RAD18: variants seen among roughly 807,000 people sequenced by gnomAD.
The protein encoded by RAD18 is RAD18 E3 ubiquitin protein ligase, also known as E3 ubiquitin-protein ligase RAD18.
RAD18 carries 47 observed loss-of-function variants against 60.4 expected under a neutral mutation model. The ratio of observed to expected loss-of-function variants is 0.78; its 90% confidence interval spans 0.62 to 0.99. The LOEUF (loss-of-function observed/expected upper bound fraction) is 0.99, where lower values mean the gene tolerates loss of function less well. Among genes scored for constraint, RAD18 ranks in the 50% least tolerant of loss-of-function variants. The pLI is 0.00. For missense variants in RAD18, 640 were observed against 593.3 expected (o/e 1.08, Z -0.82); for synonymous variants, 225 against 195.5 (o/e 1.15, Z -1.26).
intron 1 of RAD18, among the ~76,000 whole-genome samples, chr3:8,959,264 T>C (rs777430591): frequency 1.3e-5 from 2 of 152,272 alleles, no homozygotes; most frequent in South Asian, 4.1e-4. Flanking sequence ...TTGTGCCATA[T>C]TGTCATCCCT....
chr3:8,943,044 C>A (rs1200402525), intron 4 of RAD18, among the ~76,000 whole-genome samples: 1 of 152,130 alleles, frequency 6.6e-6, no homozygotes, highest in African/African-American at 2.4e-5. Flanking sequence ...CTCAAACAGA[C>A]CTAACCTAAG....
At position 8,929,895 on chromosome 3, in the gene RAD18, G is replaced by A. The variant is rs375192997; in HGVS notation, c.889+5976C>T. Among the ~76,000 whole-genome samples, 13 of 152,166 alleles carry A rather than the reference G, an allele frequency of 8.5e-5. No homozygotes were observed. The East Asian group carries it at 1.4e-3, about 16-fold the overall frequency. On this transcript the variant is annotated intron_variant, in intron 7 of 12. Transcript: ENST00000264926. ...TGACCTCAGGTGATCCACCTGCCTC[G>A]GCCTCCCAAACAAAGTGCTGGGATT...
chr3:8,955,154 A>T (rs1349256057), intron 2 of RAD18, among the ~76,000 whole-genome samples: 1 of 152,166 alleles, frequency 6.6e-6, no homozygotes, highest in African/African-American at 2.4e-5. Context: ...CTATACACTG[A>T]CAGAAAAGGG....
At chr3:8,932,850 C>CATTTTG (rs1297501414) in intron 7 of RAD18, among the ~76,000 whole-genome samples, 2 of 152,178 alleles carry the variant, frequency 1.3e-5, no homozygotes, top group Non-Finnish European at 2.9e-5. Context: ...GTAATCCCAG[C>CATTTTG]ATTTTGGGAG....
intron 12 of RAD18, among the ~76,000 whole-genome samples, chr3:8,887,897 C>T (rs1939598689): frequency 6.6e-6 from 1 of 152,148 alleles, no homozygotes; most frequent in Admixed American, 6.5e-5. Context: ...CAGGAGTATG[C>T]CTGTGACATG....
At chr3:8,935,037 G>A (rs1420277361) in intron 7 of RAD18, among the ~76,000 whole-genome samples, 1 of 152,212 alleles carries the variant, frequency 6.6e-6, no homozygotes, top group Non-Finnish European at 1.5e-5. Context: ...AGTCAAGACA[G>A]TGGTCAAATG....
intron 12 of RAD18, among the ~76,000 whole-genome samples, chr3:8,882,920 T>C (rs904000898): frequency 5.3e-5 from 8 of 152,192 alleles, no homozygotes; most frequent in African/African-American, 1.7e-4. Flanking sequence ...CCTATGGTCC[T>C]TCACTGCATG....
At chr3:8,897,300 C>T (rs1029425253) in intron 11 of RAD18, among the ~76,000 whole-genome samples, 3 of 152,060 alleles carry the variant, frequency 2.0e-5, no homozygotes, top group South Asian at 2.1e-4. Context: ...TAATAGAAAT[C>T]GCTTACAACA....
At chr3:8,947,719 G>A (rs1446470274) in intron 3 of RAD18, among the ~76,000 whole-genome samples, 1 of 152,186 alleles carries the variant, frequency 6.6e-6, no homozygotes, top group Non-Finnish European at 1.5e-5. Flanking sequence ...GAATGCAAGA[G>A]AAAAGTGACA....
At chr3:8,958,430 T>G (rs757206935) in intron 2 of RAD18, among the ~76,000 whole-genome samples, 1 of 152,182 alleles carries the variant, frequency 6.6e-6, no homozygotes, top group Non-Finnish European at 1.5e-5. Context: ...TACAAACAAA[T>G]TCCAACATGA....
intron 2 of RAD18, among the ~76,000 whole-genome samples, chr3:8,952,287 G>A (rs989834678): frequency 2.0e-5 from 3 of 152,114 alleles, no homozygotes; most frequent in Admixed American, 1.3e-4. Flanking sequence ...TGAGACTCAA[G>A]GTATGAATCA....
At chr3:8,907,919 C>T (rs1466749879) in intron 9 of RAD18, among the ~76,000 whole-genome samples, 2 of 152,196 alleles carry the variant, frequency 1.3e-5, no homozygotes. Flanking sequence ...CTGGCTGGTT[C>T]CAGCATTCGT....
Position 8,881,226 on chromosome 3 carries a change from G to A in RAD18, c.*131C>T. The A allele has an allele frequency of 1.3e-6, 1 of 746,904 alleles. No homozygotes were observed. Among genetic ancestry groups the A allele is most frequent in the African/African-American group, 1.8e-5 (1 of 55,614 alleles). 46.3% of individuals were successfully genotyped at this position (746,904 alleles called of 1,614,324 possible). On this transcript the variant is annotated 3_prime_UTR_variant, in exon 13 of 13. Coordinates refer to ENST00000264926, the MANE Select transcript of RAD18 (RefSeq NM_020165.4). ...CCCCTCTGGAAAAGCAGAAAAGAAT[G>A]AATATCAGCTAACCGTAATATTTAG... is the stretch of plus-strand genomic sequence containing the variant.
At chr3:8,927,916 G>C (rs554278172) in intron 7 of RAD18, among the ~76,000 whole-genome samples, 53 of 151,840 alleles carry the variant, frequency 3.5e-4, no homozygotes, top group African/African-American at 1.2e-3. Context: ...GTTTTGGGGT[G>C]GGGGGAGTGG....
intron 9 of RAD18, among the ~76,000 whole-genome samples, chr3:8,907,757 C>G (rs946039232): frequency 2.0e-5 from 3 of 148,292 alleles, no homozygotes; most frequent in African/African-American, 7.5e-5. Context: ...CCAGCCATCA[C>G]CCAATAAAAT....
chr3:8,883,164 T>C (rs1286568249), intron 12 of RAD18, among the ~76,000 whole-genome samples: 1 of 152,142 alleles, frequency 6.6e-6, no homozygotes, highest in Non-Finnish European at 1.5e-5. Flanking sequence ...TGGCATAACA[T>C]GTGTATAACT....
chr3:8,900,885 A>C (rs919928357), intron 10 of RAD18, among the ~76,000 whole-genome samples: 3 of 152,236 alleles, frequency 2.0e-5, no homozygotes, highest in Non-Finnish European at 4.4e-5. Flanking sequence ...ATTGATGTTC[A>C]TAAATACATA....
intron 12 of RAD18, among the ~76,000 whole-genome samples, chr3:8,886,929 T>C (rs1451709154): frequency 6.6e-6 from 1 of 152,110 alleles, no homozygotes; most frequent in Non-Finnish European, 1.5e-5. Context: ...ACGAAAAGCC[T>C]TGGATGGTGG....
chr3:8,879,648 T>G lies in RAD18; in HGVS notation c.*1709A>C, dbSNP rs1939422966. ...GTAGTACCCCTCACCACCCTCCACCTCCAAAAGTGTCTCCACACATTGCCA... is the reference window on the plus strand; with the variant it reads ...GTAGTACCCCTCACCACCCTCCACCGCCAAAAGTGTCTCCACACATTGCCA... On this transcript the variant is annotated 3_prime_UTR_variant, in exon 13 of 13. Transcript: ENST00000264926. 1 of 152,248 alleles carries G rather than the reference T, an allele frequency of 6.6e-6. No individual in the cohort carries two copies. Among genetic ancestry groups the G allele is most frequent in the Admixed American group, 6.6e-5 (1 of 15,258 alleles). 9.4% of individuals were successfully genotyped at this position (152,248 alleles called of 1,614,324 possible). A position where few individuals can be genotyped will look rare whatever the true frequency, so the allele number is the denominator to read the frequency against.
Sources: gnomAD v4.1 joint callset for allele counts (sites outside exome capture counted in the v4.1 genomes callset) on GRCh38, gnomAD v4.1.1 for gene constraint, MANE v1.5 for transcripts, NCBI Gene and HGNC (gene_info 2026-07-23, HGNC 2026-07-21) for gene names.